Variants in CNTNAP5 observed in about 807,000 individuals in gnomAD.
The protein encoded by CNTNAP5 is contactin associated protein family member 5.
CNTNAP5 carries 72 observed loss-of-function variants against 150.2 expected under a neutral mutation model. The observed-to-expected ratio is 0.48, with a 90% CI of 0.40 to 0.58. CNTNAP5 has a LOEUF of 0.58. CNTNAP5 is among the 20% of genes least tolerant of loss of function. CNTNAP5 has a pLI of 0.00. For synonymous variants in CNTNAP5, 672 were observed against 619.8 expected, an observed-to-expected ratio of 1.08 and a Z score of -1.25; for missense variants, 1,636 against 1,626.2, an observed-to-expected ratio of 1.01 and a Z score of -0.10.
intron 13 of CNTNAP5, among the ~76,000 whole-genome samples, chr2:124,712,961 C>T (rs1370065044): frequency 6.6e-6 from 1 of 152,104 alleles, no homozygotes; most frequent in Non-Finnish European, 1.5e-5. Flanking sequence ...AGCCTCTGTT[C>T]TCAGGACCTA....
intron 14 of CNTNAP5, among the ~76,000 whole-genome samples, chr2:124,753,971 C>G (rs1056614092): frequency 2.0e-5 from 3 of 152,170 alleles, no homozygotes; most frequent in African/African-American, 7.2e-5. Context: ...ATCCAGGCCC[C>G]AGGACATTGC....
chr2:124,318,316 A>C (rs1689017527), intron 3 of CNTNAP5, among the ~76,000 whole-genome samples: 2 of 152,222 alleles, frequency 1.3e-5, no homozygotes, highest in Admixed American at 1.3e-4. Context: ...TTAAGCTAGA[A>C]ACTGCTGTTA....
chr2:124,058,545 T>A (rs1157949905), intron 1 of CNTNAP5, among the ~76,000 whole-genome samples: 1 of 152,160 alleles, frequency 6.6e-6, no homozygotes, highest in Non-Finnish European at 1.5e-5. Context: ...AAAATTCAAG[T>A]GTATCAATCC....
chr2:124,209,757 A>T (rs1174598141), intron 1 of CNTNAP5, among the ~76,000 whole-genome samples: 1 of 152,060 alleles, frequency 6.6e-6, no homozygotes, highest in East Asian at 1.9e-4. Flanking sequence ...CAAAATAAAC[A>T]CCTGTCACCG....
At position 124,527,237 on chromosome 2, in the gene CNTNAP5, G is replaced by A. The variant is rs73956310; in HGVS notation, c.1478-48G>A. The A allele has an allele frequency of 3.3e-3, 5,137 of 1,561,292 alleles. 130 individuals are homozygous for A. In the African/African-American group the frequency reaches 0.062, roughly 19 times the overall value. On this transcript the variant is annotated intron_variant, in intron 9 of 23. Coordinates refer to ENST00000682447, the MANE Select transcript of CNTNAP5 (RefSeq NM_001367498.1). ...TCCATCAATAGGTCGCCAAAGCAAT[G>A]ACGGATCATTTCAGCATTCTTCTTC... is the stretch of plus-strand genomic sequence containing the variant.
intron 12 of CNTNAP5, among the ~76,000 whole-genome samples, chr2:124,624,047 G>A (rs1677670661): frequency 6.6e-6 from 1 of 152,166 alleles, no homozygotes; most frequent in Admixed American, 6.5e-5. Context: ...ACCACATAGG[G>A]CTTCCAGAAG....
chr2:124,393,736 G>A (rs114590489), intron 3 of CNTNAP5, among the ~76,000 whole-genome samples: 1 of 152,212 alleles, frequency 6.6e-6, no homozygotes, highest in African/African-American at 2.4e-5. Context: ...GCAGGATGTA[G>A]TTCTGCCCAG....
At chr2:124,789,559 C>A (rs1006878806) in intron 17 of CNTNAP5, among the ~76,000 whole-genome samples, 19 of 152,252 alleles carry the variant, frequency 1.2e-4, no homozygotes, top group African/African-American at 4.1e-4. Context: ...TCTTCCCACC[C>A]GACACCCTCA....
chr2:124,032,091 AC>A (rs1253178413), intron 1 of CNTNAP5, among the ~76,000 whole-genome samples: 1 of 152,230 alleles, frequency 6.6e-6, no homozygotes, highest in Non-Finnish European at 1.5e-5. Context: ...AACTTTGAAC[AC>A]TTGGTAGTTA....
At chr2:124,125,437 G>A (rs76059644) in intron 1 of CNTNAP5, among the ~76,000 whole-genome samples, 1 of 152,142 alleles carries the variant, frequency 6.6e-6, no homozygotes, top group Admixed American at 6.5e-5. Flanking sequence ...CCTACAAAGA[G>A]ACTTAGACTC....
chr2:124,459,484 C>G (rs1377514066), intron 6 of CNTNAP5, among the ~76,000 whole-genome samples: 1 of 152,074 alleles, frequency 6.6e-6, no homozygotes, highest in East Asian at 1.9e-4. Flanking sequence ...TGTGTTGGCT[C>G]ATGCTCCTAA....
At chr2:124,843,734 G>C (rs1682992041) in intron 19 of CNTNAP5, among the ~76,000 whole-genome samples, 1 of 152,006 alleles carries the variant, frequency 6.6e-6, no homozygotes, top group African/African-American at 2.4e-5. Context: ...TTGTGGTTTT[G>C]ATTTACATTT....
At chr2:124,038,722 T>C (rs1213963) in intron 1 of CNTNAP5, among the ~76,000 whole-genome samples, 147,118 of 152,348 alleles carry the variant, frequency 0.97, 71,238 homozygotes, top group East Asian at 1. Flanking sequence ...AATCCTACCA[T>C]CCAGCCTGCC....
intron 16 of CNTNAP5, among the ~76,000 whole-genome samples, chr2:124,765,485 AGTCTGTATTTTT>A (rs1681049387): frequency 1.3e-5 from 2 of 152,054 alleles, no homozygotes; most frequent in African/African-American, 4.8e-5. Context: ...ATTAGATTTG[AGTCTGTATTTTT>A]AGAAGACAAT....
intron 19 of CNTNAP5, among the ~76,000 whole-genome samples, chr2:124,828,467 T>A (rs1195215094): frequency 6.6e-6 from 1 of 151,824 alleles, no homozygotes; most frequent in African/African-American, 2.4e-5. Flanking sequence ...GGTGACAGAG[T>A]GAGACTCCAT....
intron 1 of CNTNAP5, among the ~76,000 whole-genome samples, chr2:124,036,987 A>G (rs1451988721): frequency 1.3e-5 from 2 of 152,184 alleles, no homozygotes; most frequent in African/African-American, 4.8e-5. Flanking sequence ...CGTCCTAGCA[A>G]AGACAGTCTT....
intron 13 of CNTNAP5, among the ~76,000 whole-genome samples, chr2:124,655,941 G>GAAAGAAAA (rs1180720883): frequency 1.7e-5 from 1 of 58,138 alleles, no homozygotes; most frequent in Non-Finnish European, 3.5e-5. Context: ...GAGAGAGAGA[G>GAAAGAAAA]AGAGAGAAAG....
At chr2:124,318,906 G>T (rs1326284731) in intron 3 of CNTNAP5, among the ~76,000 whole-genome samples, 1 of 152,108 alleles carries the variant, frequency 6.6e-6, no homozygotes, top group Admixed American at 6.5e-5. Context: ...TGTCATCAAA[G>T]CTCAACTCTC....
chr2:124,233,952 C>T (rs1686685487), intron 2 of CNTNAP5, among the ~76,000 whole-genome samples: 1 of 151,864 alleles, frequency 6.6e-6, no homozygotes, highest in African/African-American at 2.4e-5. Context: ...AAGAAAATTG[C>T]TCCAAGAATC....
Sources: allele counts gnomAD v4.1 joint callset (sites outside exome capture counted in the v4.1 genomes callset), GRCh38; gene constraint gnomAD v4.1.1; transcripts MANE v1.5; gene names NCBI Gene and HGNC (gene_info 2026-07-23, HGNC 2026-07-21).